RTL4: variants seen among roughly 807,000 people sequenced by gnomAD.
The protein encoded by RTL4 is retrotransposon Gag like 4.
In RTL4, 4 loss-of-function variants were observed where a neutral mutation model predicts 5.3. The observed-to-expected ratio is 0.75, with a 90% CI of 0.37 to 1.72. RTL4 has a LOEUF of 1.72. RTL4 is among the 40% of genes most tolerant of loss of function. The pLI, the probability that RTL4 is intolerant of heterozygous loss-of-function variation, is 0.04. For missense variants in RTL4, 260 were observed against 227.1 expected (o/e 1.14, Z -0.93); for synonymous variants, 98 against 87.3 (o/e 1.12, Z -0.68).
chrX:112,209,418 G>A, the RTL4 span, among the ~76,000 whole-genome samples: 7 of 112,098 alleles, frequency 6.2e-5, no homozygotes, highest in South Asian at 3.8e-4. Flanking sequence ...TCCCTACACC[G>A]CTGTCCTTCA....
chrX:112,113,080 A>T, the RTL4 span, among the ~76,000 whole-genome samples: 2 of 111,703 alleles, frequency 1.8e-5, no homozygotes, highest in African/African-American at 6.5e-5. Context: ...TTTCTTACAA[A>T]GCCTTGAACT....
the RTL4 span, among the ~76,000 whole-genome samples, chrX:112,120,145 A>G: frequency 8.9e-6 from 1 of 112,267 alleles, no homozygotes; most frequent in Non-Finnish European, 1.9e-5. Context: ...CTTCTTTTCC[A>G]AATGGCCACC....
At chrX:112,307,277 C>T in the RTL4 span, among the ~76,000 whole-genome samples, 1 of 110,681 alleles carries the variant, frequency 9.0e-6, no homozygotes, top group Non-Finnish European at 1.9e-5. Context: ...ATTGTGCCTA[C>T]TTGACAGTGG....
the RTL4 span, among the ~76,000 whole-genome samples, chrX:112,413,280 G>A: frequency 9.0e-6 from 1 of 111,366 alleles, no homozygotes. Context: ...ATACAACTGT[G>A]GAGAATAGTT....
chrX:112,096,747 G>T, the RTL4 span, among the ~76,000 whole-genome samples: 1 of 111,745 alleles, frequency 8.9e-6, no homozygotes, highest in African/African-American at 3.3e-5. Context: ...CAAGGATGTT[G>T]GAAAGGAAGA....
chrX:112,389,182 A>G, the RTL4 span, among the ~76,000 whole-genome samples: 1 of 110,157 alleles, frequency 9.1e-6, no homozygotes, highest in Non-Finnish European at 1.9e-5. Flanking sequence ...GAATTTATCC[A>G]TCTTTTCTAG....
At chrX:112,237,491 T>C in the RTL4 span, among the ~76,000 whole-genome samples, 1 of 112,280 alleles carries the variant, frequency 8.9e-6, no homozygotes, top group Non-Finnish European at 1.9e-5. Flanking sequence ...AGGGAAGTAT[T>C]GTAGCCAGCA....
At chrX:112,205,266 A>G in the RTL4 span, among the ~76,000 whole-genome samples, 1 of 111,132 alleles carries the variant, frequency 9.0e-6, no homozygotes, top group Non-Finnish European at 1.9e-5. Context: ...GGGACATACA[A>G]ATTATACTCC....
chrX:112,412,054 C>T, the RTL4 span, among the ~76,000 whole-genome samples: 1 of 109,286 alleles, frequency 9.2e-6, no homozygotes, highest in Admixed American at 9.8e-5. Flanking sequence ...TTTCTATATG[C>T]CAACAGTGAA....
the RTL4 span, among the ~76,000 whole-genome samples, chrX:112,179,374 GA>G: frequency 0.3 from 32,336 of 107,823 alleles, 4,204 homozygotes; most frequent in African/African-American, 0.48. Flanking sequence ...AAGGACAAAT[GA>G]AAAAAAAACC....
chrX:112,158,467 G>T, the RTL4 span, among the ~76,000 whole-genome samples: 1 of 107,341 alleles, frequency 9.3e-6, no homozygotes, highest in African/African-American at 3.4e-5. Flanking sequence ...ATATATATAT[G>T]ATATATATAT....
At chrX:112,326,712 C>A in the RTL4 span, among the ~76,000 whole-genome samples, 1 of 112,087 alleles carries the variant, frequency 8.9e-6, no homozygotes, top group African/African-American at 3.2e-5. Context: ...AGGGCACAGA[C>A]AAACAAAAAG....
the RTL4 span, among the ~76,000 whole-genome samples, chrX:112,429,103 A>C: frequency 9.0e-6 from 1 of 111,529 alleles, no homozygotes; most frequent in East Asian, 2.8e-4. Context: ...ACACTCTGAC[A>C]GTCTGTCTTT....
chrX:112,335,264 T>C, the RTL4 span, among the ~76,000 whole-genome samples: 4 of 111,818 alleles, frequency 3.6e-5, no homozygotes, highest in Admixed American at 9.6e-5. Context: ...ATTATTTATT[T>C]TTTGGAGATT....
chrX:112,456,250 C>T (rs753698878), exon 1 of RTL4: 2 of 306,410 alleles, frequency 6.5e-6, no homozygotes, highest in Non-Finnish European at 1.2e-5. Context: ...AGCTCTGCCA[C>T]CCTTCCATAG....
chrX:112,308,355 C>T, the RTL4 span, among the ~76,000 whole-genome samples: 2 of 111,554 alleles, frequency 1.8e-5, no homozygotes, highest in African/African-American at 6.5e-5. Context: ...CTTCCCACTA[C>T]CCTAATGAAT....
the RTL4 span, among the ~76,000 whole-genome samples, chrX:112,406,440 G>C: frequency 1.8e-5 from 2 of 110,351 alleles, no homozygotes; most frequent in Non-Finnish European, 3.8e-5. Flanking sequence ...AGGTGTCACA[G>C]TTTTAAATTA....
chrX:112,446,861 G>A, the RTL4 span, among the ~76,000 whole-genome samples: 1 of 111,216 alleles, frequency 9.0e-6, no homozygotes, highest in African/African-American at 3.3e-5. Context: ...ATTAAAAAAA[G>A]GAATAATAAA....
At chrX:112,309,069 T>C in the RTL4 span, among the ~76,000 whole-genome samples, 1 of 111,667 alleles carries the variant, frequency 9.0e-6, no homozygotes, top group Non-Finnish European at 1.9e-5. Flanking sequence ...ATTTAAACCA[T>C]TGTTTATATA....
Sources: gnomAD v4.1 joint callset for allele counts (sites outside exome capture counted in the v4.1 genomes callset) on GRCh38, gnomAD v4.1.1 for gene constraint, MANE v1.5 for transcripts, NCBI Gene and HGNC (gene_info 2026-07-23, HGNC 2026-07-21) for gene names.